NMU: variants seen among roughly 807,000 people sequenced by gnomAD.
The protein encoded by NMU is neuromedin U, also known as neuromedin-U.
NMU carries 29 observed loss-of-function variants against 35.4 expected under a neutral mutation model. The observed-to-expected ratio is 0.82, with a 90% confidence interval of 0.61 to 1.12. The LOEUF (loss-of-function observed/expected upper bound fraction) is 1.12, where lower values mean the gene tolerates loss of function less well. Ranked by LOEUF, NMU falls within the 50% of genes most tolerant of loss-of-function variation. NMU has a pLI of 0.00. For missense variants in NMU, 199 were observed against 206.2 expected (o/e 0.97, Z 0.21); for synonymous variants, 78 against 81.3 (o/e 0.96, Z 0.22).
At chr4:55,600,464 G>T in intron 8 of NMU, 58 bp downstream of exon 8, 4 of 1,091,540 alleles carry the variant, frequency 3.7e-6, no homozygotes, top group Admixed American at 3.5e-5. Flanking sequence ...AATACACAGG[G>T]AACATATTTT....
intron 3 of NMU, 25 bp downstream of exon 3, chr4:55,616,313 A>G (rs371726466): frequency 6.3e-7 from 1 of 1,580,582 alleles, no homozygotes; most frequent in African/African-American, 1.3e-5. Flanking sequence ...CTACATTATT[A>G]CAAAATATCT....
intron 2 of NMU, among the ~76,000 whole-genome samples, chr4:55,629,731 C>T (rs1321244334): frequency 3.3e-5 from 5 of 151,180 alleles, no homozygotes; most frequent in Admixed American, 6.6e-5. Context: ...ATGATTATGT[C>T]GTTGTTATAG....
In NMU at chr4:55,606,241, T is replaced by C. The variant is rs1733678456; in HGVS notation, c.361-892A>G. Among the ~76,000 whole-genome samples, 6 of 152,352 alleles carry C rather than the reference T, an allele frequency of 3.9e-5. No individual in the cohort carries two copies. The South Asian group carries it at 1.0e-3, about 26-fold the overall frequency. On this transcript the variant is annotated intron_variant, in intron 6 of 9. Coordinates refer to ENST00000264218, the MANE Select transcript of NMU (RefSeq NM_006681.4). ...CTATGCTCCTCATTCCCTAAATTGGTTCATGGAAGTGAATCACAAGTGTGG... is the reference window on the plus strand; with the variant it reads ...CTATGCTCCTCATTCCCTAAATTGGCTCATGGAAGTGAATCACAAGTGTGG...
At chr4:55,613,870 C>G (rs73236163) in intron 3 of NMU, among the ~76,000 whole-genome samples, 7,562 of 152,182 alleles carry the variant, frequency 0.05, 232 homozygotes, top group Non-Finnish European at 0.075. Context: ...TGCTGATAGC[C>G]AGCCAGCGAC....
At chr4:55,596,654 G>A (rs2074418019) in intron 9 of NMU, among the ~76,000 whole-genome samples, 1 of 152,032 alleles carries the variant, frequency 6.6e-6, no homozygotes. Flanking sequence ...TTCTGAAGCA[G>A]GAGTTAATAC....
intron 3 of NMU, among the ~76,000 whole-genome samples, chr4:55,613,204 T>C (rs1053420489): frequency 3.9e-5 from 6 of 152,304 alleles, no homozygotes; most frequent in African/African-American, 1.2e-4. Context: ...TATTTAGTAC[T>C]ATGCTTATTA....
At chr4:55,601,700 T>G (rs1733433661) in intron 7 of NMU, among the ~76,000 whole-genome samples, 2 of 152,142 alleles carry the variant, frequency 1.3e-5, no homozygotes, top group Non-Finnish European at 2.9e-5. Flanking sequence ...ATAAGCAACG[T>G]TCTCAGCTGG....
chr4:55,598,019 T>G lies in NMU; in HGVS notation c.*4+1123A>C, dbSNP rs184688603. On this transcript the variant is annotated intron_variant, in intron 9 of 9. Transcript: ENST00000264218. ...TTTACTATTTTTAACATCAATTTCT[T>G]CTTTCATTTTTATAACTTTCTTCCT... Among the ~76,000 whole-genome samples the G allele has an allele frequency of 5.3e-3, 804 of 151,812 alleles. 5 individuals carry two copies. Among genetic ancestry groups the G allele is most frequent in the Non-Finnish European group, 8.9e-3 (601 of 67,908 alleles).
At chr4:55,630,190 T>C (rs1354821956) in intron 2 of NMU, among the ~76,000 whole-genome samples, 2 of 152,158 alleles carry the variant, frequency 1.3e-5, no homozygotes, top group Non-Finnish European at 1.5e-5. Context: ...CTCTATTATA[T>C]CCTATTATTA....
At chr4:55,598,772 C>T (rs1453446256) in intron 9 of NMU, among the ~76,000 whole-genome samples, 2 of 152,138 alleles carry the variant, frequency 1.3e-5, no homozygotes, top group Non-Finnish European at 2.9e-5. Context: ...TTATGATAGA[C>T]ACTGATTACT....
chr4:55,625,169 TAAAAAAAAA>T (rs760890031), intron 2 of NMU, among the ~76,000 whole-genome samples: 13 of 98,344 alleles, frequency 1.3e-4, no homozygotes, highest in Non-Finnish European at 7.6e-5. Flanking sequence ...AAAGTATAAT[TAAAAAAAAA>T]AAAAAAAAAA....
intron 2 of NMU, among the ~76,000 whole-genome samples, chr4:55,619,894 AG>A (rs1490356492): frequency 1.6e-5 from 2 of 128,622 alleles, no homozygotes; most frequent in Non-Finnish European, 3.4e-5. Context: ...GGCACCCCCC[AG>A]CAGGGGCACA....
intron 2 of NMU, 72 bp downstream of exon 2, chr4:55,630,330 T>G (rs1295473501): frequency 9.2e-7 from 1 of 1,087,018 alleles, no homozygotes. Context: ...CAAAGCTCAA[T>G]TATACATTTT....
intron 3 of NMU, among the ~76,000 whole-genome samples, chr4:55,615,671 G>A (rs572453394): frequency 2.0e-5 from 3 of 152,234 alleles, no homozygotes; most frequent in South Asian, 2.1e-4. Context: ...AGGAGTACAT[G>A]TGCAAGATTG....
chr4:55,596,308 G>T (rs28708716), intron 9 of NMU, among the ~76,000 whole-genome samples: 35,376 of 149,686 alleles, frequency 0.24, 4,547 homozygotes, highest in South Asian at 0.29. Context: ...TTAGTTTATG[G>T]ACACCCTAAT....
At chr4:55,604,540 T>C (rs1339377303) in intron 7 of NMU, among the ~76,000 whole-genome samples, 3 of 150,990 alleles carry the variant, frequency 2.0e-5, no homozygotes, top group Non-Finnish European at 4.4e-5. Context: ...CTTACTTTTT[T>C]TTTTTTTTTT....
At chr4:55,609,451 A>G (rs1229384071) in intron 3 of NMU, among the ~76,000 whole-genome samples, 1 of 152,142 alleles carries the variant, frequency 6.6e-6, no homozygotes, top group Non-Finnish European at 1.5e-5. Flanking sequence ...CTAGATACAT[A>G]GTTCTCAGCA....
chr4:55,600,508 C>T lies in NMU; in HGVS notation c.489+14G>A. ...GGTGTAGATTGATTTTTTAAAAATA[C>T]AGTATGTACCTACCCTGAATAAAAA... On this transcript the variant is annotated intron_variant, in intron 8 of 9. Transcript: ENST00000264218. 6.4e-7 allele frequency: 1 copy of T among 1,555,368 alleles called. No homozygotes were observed. The highest frequency in any genetic ancestry group is 1.1e-5 in the South Asian group (1 of 88,860).
At chr4:55,627,916 T>G (rs1283000677) in intron 2 of NMU, among the ~76,000 whole-genome samples, 1 of 152,218 alleles carries the variant, frequency 6.6e-6, no homozygotes, top group Non-Finnish European at 1.5e-5. Context: ...ATAAGAGAAC[T>G]TTCTTAACTG....
Sources: allele counts gnomAD v4.1 joint callset (sites outside exome capture counted in the v4.1 genomes callset), GRCh38; gene constraint gnomAD v4.1.1; transcripts MANE v1.5; gene names NCBI Gene and HGNC (gene_info 2026-07-23, HGNC 2026-07-21).